Variants in CNTNAP2 observed in about 807,000 individuals in gnomAD.
CNTNAP2 encodes contactin-associated protein-like 2.
Under a neutral mutation model 155.2 loss-of-function variants are expected in CNTNAP2, and 98 were observed. That is an observed-to-expected ratio of 0.63 (90% CI 0.54 to 0.75). The LOEUF (loss-of-function observed/expected upper bound fraction) is 0.75. Among genes scored for constraint, CNTNAP2 ranks in the 30% least tolerant of loss-of-function variants. CNTNAP2 has a pLI of 0.00. For missense variants in CNTNAP2, 1,727 were observed against 1,688.1 expected (o/e 1.02, Z -0.40); for synonymous variants, 651 against 631.2 (o/e 1.03, Z -0.47).
At chr7:146,522,091 G>C (rs1797624509) in intron 1 of CNTNAP2, among the ~76,000 whole-genome samples, 1 of 151,928 alleles carries the variant, frequency 6.6e-6, no homozygotes, top group Non-Finnish European at 1.5e-5. Context: ...AATTTCAATA[G>C]CTAGACTCTC....
At chr7:147,527,160 C>T (rs774128405) in intron 11 of CNTNAP2, among the ~76,000 whole-genome samples, 1 of 150,916 alleles carries the variant, frequency 6.6e-6, no homozygotes, top group African/African-American at 2.4e-5. Context: ...GTAGCTGGGA[C>T]TACAGGTGCC....
chr7:148,349,900 T>G (rs1344423489), intron 21 of CNTNAP2, among the ~76,000 whole-genome samples: 3 of 152,126 alleles, frequency 2.0e-5, no homozygotes, highest in Non-Finnish European at 4.4e-5. Flanking sequence ...AAGTAGAAGC[T>G]GAGGTCATAG....
chr7:148,143,937 G>C (rs1805125166), intron 16 of CNTNAP2, among the ~76,000 whole-genome samples: 1 of 152,170 alleles, frequency 6.6e-6, no homozygotes, highest in African/African-American at 2.4e-5. Context: ...CTGGCAAGGA[G>C]CCTGGAATTG....
intron 13 of CNTNAP2, among the ~76,000 whole-genome samples, chr7:147,794,735 T>A (rs989167147): frequency 6.6e-6 from 1 of 151,328 alleles, no homozygotes; most frequent in African/African-American, 2.4e-5. Context: ...TCTTTATGGG[T>A]AGTTTTTTTT....
At chr7:147,586,376 CT>C (rs1563009581) in intron 12 of CNTNAP2, among the ~76,000 whole-genome samples, 3 of 151,828 alleles carry the variant, frequency 2.0e-5, no homozygotes, top group African/African-American at 7.3e-5. Flanking sequence ...GCTTATCTGA[CT>C]CTTCCTTTCT....
intron 21 of CNTNAP2, among the ~76,000 whole-genome samples, chr7:148,308,048 A>C (rs984685724): frequency 6.6e-6 from 1 of 152,164 alleles, no homozygotes; most frequent in Non-Finnish European, 1.5e-5. Context: ...CATAATTTCC[A>C]ATTTGCTTTT....
chr7:146,603,598 A>G (rs1037993116), intron 1 of CNTNAP2, among the ~76,000 whole-genome samples: 52 of 150,862 alleles, frequency 3.4e-4, no homozygotes, highest in African/African-American at 1.2e-3. Flanking sequence ...GAACCAAAAA[A>G]GAGCCCGCAT....
At chr7:148,151,027 A>C (rs575814361) in intron 17 of CNTNAP2, among the ~76,000 whole-genome samples, 8 of 151,924 alleles carry the variant, frequency 5.3e-5, no homozygotes, top group Non-Finnish European at 1.2e-4. Context: ...GCCTCTTCCA[A>C]TATTAGACAT....
At chr7:146,165,354 T>C (rs759472846) in intron 1 of CNTNAP2, among the ~76,000 whole-genome samples, 2 of 152,100 alleles carry the variant, frequency 1.3e-5, no homozygotes, top group Non-Finnish European at 2.9e-5. Context: ...TCCCAAAAGG[T>C]GGCATGCTTG....
intron 10 of CNTNAP2, among the ~76,000 whole-genome samples, chr7:147,468,125 A>G (rs906444813): frequency 1.3e-5 from 2 of 152,102 alleles, no homozygotes; most frequent in Non-Finnish European, 2.9e-5. Flanking sequence ...CTACAAAAAA[A>G]AAATTTAAAA....
intron 1 of CNTNAP2, among the ~76,000 whole-genome samples, chr7:146,348,189 T>G (rs756765973): frequency 2.0e-5 from 3 of 152,016 alleles, no homozygotes; most frequent in African/African-American, 4.8e-5. Context: ...GGAGGCCTAG[T>G]GGGCGAGTCA....
At chr7:146,739,822 A>G (rs1444366060) in intron 1 of CNTNAP2, among the ~76,000 whole-genome samples, 1 of 152,036 alleles carries the variant, frequency 6.6e-6, no homozygotes. Flanking sequence ...TAGGTGCTCC[A>G]GTTATGGGTA....
chr7:147,604,885 C>A (rs1801031772), intron 12 of CNTNAP2, among the ~76,000 whole-genome samples: 1 of 152,164 alleles, frequency 6.6e-6, no homozygotes, highest in Non-Finnish European at 1.5e-5. Context: ...CTGCTCACTG[C>A]ACATAGGTTG....
intron 3 of CNTNAP2, among the ~76,000 whole-genome samples, chr7:147,007,890 C>T (rs1369684253): frequency 6.6e-6 from 1 of 151,952 alleles, no homozygotes; most frequent in Non-Finnish European, 1.5e-5. Context: ...TAATAAAATA[C>T]ACTAAAATAA....
chr7:146,401,417 C>T (rs1795711947), intron 1 of CNTNAP2, among the ~76,000 whole-genome samples: 1 of 152,062 alleles, frequency 6.6e-6, no homozygotes, highest in African/African-American at 2.4e-5. Context: ...GCAGCTAGGG[C>T]AGGTCAATGA....
rs202069675 is a variant in CNTNAP2, at chr7:147,522,535, T to TA, written c.1777+36503dup. Among the ~76,000 whole-genome samples the TA allele has an allele frequency of 3.2e-3, 484 of 151,466 alleles. 2 individuals carry two copies. The highest frequency in any genetic ancestry group is 0.011 in the African/African-American group (447 of 41,356). ...AAAAGTTGTAGCAGAGCCTATAAAT[T>TA]AAAAAAAAATTTCAAGGGAGCATAT... On this transcript the variant is annotated intron_variant, in intron 11 of 23. Transcript: ENST00000361727.
At chr7:146,648,874 G>C (rs978752486) in intron 1 of CNTNAP2, among the ~76,000 whole-genome samples, 3 of 152,062 alleles carry the variant, frequency 2.0e-5, no homozygotes, top group Non-Finnish European at 2.9e-5. Context: ...ACAGAGGAGA[G>C]AAGTGGCTGA....
chr7:147,411,026 T>C (rs58716628), intron 10 of CNTNAP2, among the ~76,000 whole-genome samples: 3,829 of 152,282 alleles, frequency 0.025, 183 homozygotes, highest in African/African-American at 0.087. Context: ...TTGTCCTTTA[T>C]AACTGTTTTA....
chr7:148,386,262 G>A (rs1799191715), intron 22 of CNTNAP2, among the ~76,000 whole-genome samples: 1 of 152,118 alleles, frequency 6.6e-6, no homozygotes, highest in Non-Finnish European at 1.5e-5. Flanking sequence ...GGGCTCGGTG[G>A]CTCACATCTG....
Sources: gnomAD v4.1 joint callset for allele counts (sites outside exome capture counted in the v4.1 genomes callset) on GRCh38, gnomAD v4.1.1 for gene constraint, MANE v1.5 for transcripts, NCBI Gene and HGNC (gene_info 2026-07-23, HGNC 2026-07-21) for gene names.